PLXNA4: variants seen among roughly 807,000 people sequenced by gnomAD.
PLXNA4 encodes plexin-A4.
PLXNA4 carries 44 observed loss-of-function variants against 191.8 expected under a neutral mutation model. That is an observed-to-expected ratio of 0.23 (90% confidence interval 0.18 to 0.29). PLXNA4 has a LOEUF of 0.29. PLXNA4 is among the 10% of genes least tolerant of loss of function. The pLI, the probability that PLXNA4 is intolerant of heterozygous loss-of-function variation, is 1.00. For synonymous variants in PLXNA4, 1,082 were observed against 1,009.5 expected (o/e 1.07, Z -1.36); for missense variants, 1,800 against 2,488.8 (o/e 0.72, Z 5.89).
intron 2 of PLXNA4, among the ~76,000 whole-genome samples, chr7:132,501,339 C>T (rs1395109484): frequency 1.3e-5 from 2 of 152,126 alleles, no homozygotes; most frequent in African/African-American, 4.8e-5. Flanking sequence ...GGTGTGTACG[C>T]CACTGTGCTC....
At chr7:132,542,655 T>C (rs558489914) in intron 1 of PLXNA4, among the ~76,000 whole-genome samples, 1 of 152,362 alleles carries the variant, frequency 6.6e-6, no homozygotes, top group Admixed American at 6.5e-5. Flanking sequence ...TCTCACTGTA[T>C]CCTCGATGTC....
At chr7:132,591,287 C>T (rs998482370) in intron 2 of PLXNA4, among the ~76,000 whole-genome samples, 4 of 152,178 alleles carry the variant, frequency 2.6e-5, no homozygotes, top group East Asian at 1.9e-4. Context: ...TCAGAAGACA[C>T]GGGTTACTAT....
intron 3 of PLXNA4, among the ~76,000 whole-genome samples, chr7:132,300,609 A>G (rs962881548): frequency 6.6e-6 from 1 of 152,152 alleles, no homozygotes; most frequent in African/African-American, 2.4e-5. Context: ...CCAGATGTCC[A>G]TGCTGGCCAG....
At chr7:132,252,686 T>C (rs958726094) in intron 4 of PLXNA4, among the ~76,000 whole-genome samples, 4 of 152,194 alleles carry the variant, frequency 2.6e-5, no homozygotes, top group African/African-American at 9.7e-5. Flanking sequence ...CAGTTATTAC[T>C]AAAACCTAAA....
At position 132,228,489 on chromosome 7, in the gene PLXNA4, G is replaced by C. The variant is rs747252437; in HGVS notation, c.1605-20C>G. The C allele has an allele frequency of 3.7e-6, 6 of 1,613,454 alleles. No individual in the cohort carries two copies. The highest frequency in any genetic ancestry group is 5.1e-6 in the Non-Finnish European group (6 of 1,179,628). On this transcript the variant is annotated intron_variant, in intron 5 of 31. Coordinates refer to ENST00000321063, the MANE Select transcript of PLXNA4 (RefSeq NM_020911.2). ...GTGCAACTGGGAAGGACATACCCTC[G>C]AGTTACTCAGGAGATGGCCGCTTGG...
intron 7 of PLXNA4, among the ~76,000 whole-genome samples, chr7:132,227,178 C>T (rs915095789): frequency 1.3e-4 from 20 of 152,218 alleles, no homozygotes; most frequent in African/African-American, 4.6e-4. Flanking sequence ...GCCTGCCCCT[C>T]CCCACCCTCT....
chr7:132,208,994 A>G (rs530094413), intron 10 of PLXNA4, among the ~76,000 whole-genome samples: 2 of 152,308 alleles, frequency 1.3e-5, no homozygotes, highest in East Asian at 3.9e-4. Flanking sequence ...TGCTGAGGAC[A>G]TTTCAACACA....
intron 3 of PLXNA4, among the ~76,000 whole-genome samples, chr7:132,482,185 G>A (rs1797364857): frequency 6.6e-6 from 1 of 152,184 alleles, no homozygotes; most frequent in African/African-American, 2.4e-5. Context: ...TGGAGTGTGA[G>A]CTGGACCCAC....
At chr7:132,502,619 C>T (rs1798301787) in intron 2 of PLXNA4, among the ~76,000 whole-genome samples, 1 of 152,160 alleles carries the variant, frequency 6.6e-6, no homozygotes, top group Admixed American at 6.5e-5. Flanking sequence ...CCAGACACTG[C>T]TAGCACACTC....
chr7:132,379,326 A>T (rs893602408), intron 3 of PLXNA4, among the ~76,000 whole-genome samples: 1 of 152,136 alleles, frequency 6.6e-6, no homozygotes, highest in Non-Finnish European at 1.5e-5. Context: ...GCAGTGTCTC[A>T]TGTCCCTCCT....
chr7:132,147,972 C>T lies in PLXNA4; in HGVS notation c.4792G>A (p.Val1598Met). 6.2e-7 allele frequency: 1 copy of T among 1,614,174 alleles called. No homozygotes were observed. The highest frequency in any genetic ancestry group is 8.5e-7 in the Non-Finnish European group (1 of 1,180,036). Residue 1598 changes from valine to methionine, a missense_variant, in exon 27 of 32, where the codon GTG (valine) becomes ATG (methionine). This residue lies in a region of PLXNA4 where 214 missense variants were observed against 298.2 expected (regional missense o/e 0.72). Coordinates refer to ENST00000321063, the MANE Select transcript of PLXNA4 (RefSeq NM_020911.2). ...QVPDGSVVALVSKQVTAYNAV... is the reference protein window; with the variant it reads ...QVPDGSVVALMSKQVTAYNAV... The stretch of plus-strand genomic sequence containing the variant: ...TTATAGGCTGTCACCTGCTTGGACA[C>T]TAATGCCACCACGGAACCATCTGGC...
At chr7:132,180,790 T>A in intron 18 of PLXNA4, 58 bp from the exon 19 acceptor site, 3 of 1,579,446 alleles carry the variant, frequency 1.9e-6, no homozygotes, top group Admixed American at 3.4e-5. Context: ...AGCTACCAGC[T>A]GGCTCTCATG....
intron 3 of PLXNA4, among the ~76,000 whole-genome samples, chr7:132,348,418 G>T (rs2116786749): frequency 6.6e-6 from 1 of 152,332 alleles, no homozygotes; most frequent in East Asian, 1.9e-4. Context: ...AAATCCAACA[G>T]TTTGTGAGTG....
chr7:132,621,450 G>A (rs1446423194), intron 2 of PLXNA4, among the ~76,000 whole-genome samples: 3 of 151,844 alleles, frequency 2.0e-5, no homozygotes, highest in Non-Finnish European at 4.4e-5. Context: ...TAACAGAGAC[G>A]GGGTTTCACC....
chr7:132,346,091 G>T (rs1417907154), intron 3 of PLXNA4, among the ~76,000 whole-genome samples: 1 of 152,182 alleles, frequency 6.6e-6, no homozygotes, highest in Non-Finnish European at 1.5e-5. Flanking sequence ...ACTTAACCTT[G>T]TTCCCGCAGA....
At chr7:132,484,779 T>C (rs377120388) in intron 3 of PLXNA4, 2 of 1,611,836 alleles carry the variant, frequency 1.2e-6, no homozygotes, top group African/African-American at 2.7e-5. Context: ...TGAATATTTA[T>C]TTTTAGTTAA....
At chr7:132,467,552 T>G (rs768846863) in intron 3 of PLXNA4, among the ~76,000 whole-genome samples, 4 of 152,206 alleles carry the variant, frequency 2.6e-5, no homozygotes, top group Non-Finnish European at 5.9e-5. Flanking sequence ...CATGTCCCAG[T>G]GCATGTCCTA....
intron 3 of PLXNA4, among the ~76,000 whole-genome samples, chr7:132,340,831 C>A (rs1803000109): frequency 4.6e-5 from 7 of 152,190 alleles, no homozygotes; most frequent in Admixed American, 4.6e-4. Flanking sequence ...ACATGTGCCA[C>A]CACGCCTGGC....
At chr7:132,133,232 G>A (rs1255597192) in intron 30 of PLXNA4, 33 bp from the exon 31 acceptor site, 2 of 1,610,224 alleles carry the variant, frequency 1.2e-6, no homozygotes, top group Non-Finnish European at 1.7e-6. Context: ...AGAAGCTGAA[G>A]TCGTGCATAC....
Sources: gnomAD v4.1 joint callset for allele counts (sites outside exome capture counted in the v4.1 genomes callset) on GRCh38, gnomAD v4.1.1 for gene constraint, gnomAD v4.1.1 regional missense constraint, MANE v1.5 for transcripts, NCBI Gene and HGNC (gene_info 2026-07-23, HGNC 2026-07-21) for gene names.